The following LARP1 variants were observed in gnomAD, a reference collection of about 807,000 sequenced individuals.
LARP1 encodes the protein la-related protein 1.
LARP1 carries 36 observed loss-of-function variants against 122.7 expected under a neutral mutation model. The ratio of observed to expected loss-of-function variants is 0.29; its 90% confidence interval spans 0.22 to 0.39. LARP1 has a LOEUF of 0.39. Ranked by LOEUF, LARP1 falls within the 10% of genes least tolerant of loss-of-function variation. The pLI is 1.00. For missense variants in LARP1, 1,040 were observed against 1,403.6 expected, an observed-to-expected ratio of 0.74 and a Z score of 4.14; for synonymous variants, 539 against 528.7, an observed-to-expected ratio of 1.02 and a Z score of -0.27.
chr5:154,805,341 G>A, intron 14 of LARP1: 1 of 203,748 alleles, frequency 4.9e-6, no homozygotes, highest in Non-Finnish European at 1.0e-5. Context: ...GGTTGGTCTT[G>A]CTCTCTCGAG....
At chr5:154,742,855 T>C (rs1752975537) in intron 1 of LARP1, among the ~76,000 whole-genome samples, 1 of 152,160 alleles carries the variant, frequency 6.6e-6, no homozygotes, top group South Asian at 2.1e-4. Context: ...GGAACTTTTC[T>C]TGGTCTCCTA....
intron 1 of LARP1, among the ~76,000 whole-genome samples, chr5:154,777,733 A>C (rs916971903): frequency 6.6e-6 from 1 of 152,210 alleles, no homozygotes; most frequent in African/African-American, 2.4e-5. Context: ...TAAATGCTGG[A>C]GATGATGGAT....
At chr5:154,809,785 C>T (rs1404945358) in intron 16 of LARP1, among the ~76,000 whole-genome samples, 1 of 150,938 alleles carries the variant, frequency 6.6e-6, no homozygotes, top group African/African-American at 2.4e-5. Context: ...CTGCAACCTC[C>T]ACCTCCACCT....
At chr5:154,813,809 A>C (rs1759476283) in intron 18 of LARP1, 78 bp from the exon 19 acceptor site, 1 of 1,128,588 alleles carries the variant, frequency 8.9e-7, no homozygotes, top group African/African-American at 1.5e-5. Flanking sequence ...AGAAAGTAGG[A>C]AGTGTCTAGA....
At chr5:154,747,379 C>T (rs1753250682) in intron 1 of LARP1, among the ~76,000 whole-genome samples, 1 of 151,926 alleles carries the variant, frequency 6.6e-6, no homozygotes, top group Non-Finnish European at 1.5e-5. Flanking sequence ...ACCAGCCTGG[C>T]CAACATGGCG....
chr5:154,777,695 CTG>C (rs1330116845), intron 1 of LARP1, among the ~76,000 whole-genome samples: 2 of 152,056 alleles, frequency 1.3e-5, no homozygotes, highest in Non-Finnish European at 2.9e-5. Context: ...CAAAGTGTAA[CTG>C]AATTGTTTGT....
At chr5:154,790,584 G>T in intron 2 of LARP1, 61 bp from the exon 3 acceptor site, 1 of 1,570,082 alleles carries the variant, frequency 6.4e-7, no homozygotes, top group South Asian at 1.1e-5. Flanking sequence ...AGCTTGGGTC[G>T]GGGGCTGAAT....
chr5:154,746,080 G>C (rs1436629767), intron 1 of LARP1, among the ~76,000 whole-genome samples: 1 of 152,200 alleles, frequency 6.6e-6, no homozygotes, highest in Admixed American at 6.5e-5. Context: ...TTACAGGCGT[G>C]AGCCACCGCA....
At position 154,734,110 on chromosome 5, in the gene LARP1, T is replaced by G. The variant is rs1293504149; in HGVS notation, c.205+20980T>G. Among the ~76,000 whole-genome samples, 3 of 150,766 alleles carry G rather than the reference T, an allele frequency of 2.0e-5. No individual in the cohort carries two copies. The Admixed American group carries it at 2.0e-4, about 10-fold the overall frequency. On this transcript the variant is annotated intron_variant, in intron 1 of 18. Transcript: ENST00000336314. ...TGAACCTGGGAGGCAGAGGTTGCAG[T>G]GAGCCGAGATCACGCTATTGTACTC...
intron 1 of LARP1, among the ~76,000 whole-genome samples, chr5:154,714,156 A>G (rs1378918825): frequency 6.6e-6 from 1 of 152,222 alleles, no homozygotes; most frequent in African/African-American, 2.4e-5. Flanking sequence ...AGTCTGTTCC[A>G]TGGAAGCTTA....
Position 154,802,728 on chromosome 5 carries a change from G to A in LARP1, c.2109+329G>A, listed in dbSNP as rs999595788. The stretch of plus-strand genomic sequence containing the variant: ...GTTATTTCTAGTCTTAAATATTTAG[G>A]CATCTAAAAATTTAGAAGCCTTTTA... On this transcript the variant is annotated intron_variant, in intron 11 of 18. Coordinates refer to ENST00000518297, the MANE Select transcript of LARP1 (RefSeq NM_033551.3). This position sits in a 1 kb window ranked among gnomAD's most constrained non-coding sequence, Gnocchi z 5.1. 6.6e-6 allele frequency among the ~76,000 whole-genome samples: 1 copy of A among 152,172 alleles called. No individual in the cohort carries two copies. The highest frequency in any genetic ancestry group is 1.5e-5 in the Non-Finnish European group (1 of 68,034).
chr5:154,710,641 G>A (rs2113288711), upstream of LARP1, among the ~76,000 whole-genome samples: 1 of 151,198 alleles, frequency 6.6e-6, no homozygotes, highest in South Asian at 2.1e-4. Flanking sequence ...TACTCAGGAG[G>A]CTGAGGCAGG....
intron 1 of LARP1, among the ~76,000 whole-genome samples, chr5:154,776,070 G>A (rs959274448): frequency 6.6e-6 from 1 of 152,294 alleles, no homozygotes; most frequent in Non-Finnish European, 1.5e-5. Context: ...AGCACTTTGG[G>A]AGGTTAAGGT....
rs375084391 is a variant in LARP1 at position 154,701,493 on chromosome 5, C to T, written c.-180+18456C>T. On this transcript the variant is annotated intron_variant, in intron 1 of 18. Coordinates refer to the LARP1 transcript ENST00000687700. ...ACTCCAGCCCATAGGGAAAGGTGGG[C>T]CCATGACTCAGCTCTGCCAGTCAGA... 2.8e-4 allele frequency among the ~76,000 whole-genome samples: 43 copies of T among 152,274 alleles called. No homozygotes were observed. In the South Asian group the frequency reaches 4.4e-3, roughly 15 times the overall value.
At chr5:154,798,397 C>T (rs1411033887) in intron 8 of LARP1, among the ~76,000 whole-genome samples, 1 of 152,214 alleles carries the variant, frequency 6.6e-6, no homozygotes, top group Non-Finnish European at 1.5e-5. Context: ...CTTAATATAT[C>T]TGGGAGCTAA....
intron 1 of LARP1, among the ~76,000 whole-genome samples, chr5:154,782,014 T>C (rs1453136735): frequency 6.6e-6 from 1 of 152,164 alleles, no homozygotes; most frequent in East Asian, 1.9e-4. Context: ...TGTGGCACTT[T>C]ACATTGGGCA....
At chr5:154,724,806 A>C (rs1267281285) in intron 1 of LARP1, among the ~76,000 whole-genome samples, 4 of 152,058 alleles carry the variant, frequency 2.6e-5, no homozygotes, top group Non-Finnish European at 4.4e-5. Context: ...AGCTGAGACT[A>C]CAGGTGCACG....
chr5:154,798,079 A>C lies in LARP1; in HGVS notation c.1378-1512A>C, dbSNP rs186217524. Among the ~76,000 whole-genome samples, 290 of 152,346 alleles carry C rather than the reference A, an allele frequency of 1.9e-3. 2 individuals are homozygous for C. Among genetic ancestry groups the C allele is most frequent in the Non-Finnish European group, 3.2e-3 (216 of 68,036 alleles). On this transcript the variant is annotated intron_variant, in intron 8 of 18. Transcript: ENST00000518297. ...TGAAAGAATCTTTGTGTGGTTTCAC[A>C]TTTAAATTGATATATATATTAGTTT...
chr5:154,780,184 G>T (rs1035279024), intron 1 of LARP1, among the ~76,000 whole-genome samples: 2 of 152,208 alleles, frequency 1.3e-5, no homozygotes, highest in Non-Finnish European at 2.9e-5. Flanking sequence ...TGCCCAGCCT[G>T]CCTCTCAGGA....
Sources: gnomAD v4.1 joint callset for allele counts (sites outside exome capture counted in the v4.1 genomes callset) on GRCh38, gnomAD v4.1.1 for gene constraint, Gnocchi (gnomAD v3.1) non-coding constraint, MANE v1.5 for transcripts, NCBI Gene and HGNC (gene_info 2026-07-23, HGNC 2026-07-21) for gene names.